Variants in S100Z observed in about 807,000 individuals in gnomAD.
S100Z encodes the protein protein S100-Z.
S100Z carries 11 observed loss-of-function variants against 8.5 expected under a neutral mutation model. That is an observed-to-expected ratio of 1.30 (90% CI 0.82 to 2.15). The LOEUF is 2.15. Among genes scored for constraint, S100Z ranks in the 30% most tolerant of loss-of-function variants. The pLI, the probability that S100Z is intolerant of heterozygous loss-of-function variation, is 0.00. For synonymous variants in S100Z, 34 were observed against 43.8 expected (o/e 0.78, Z 0.89); for missense variants, 126 against 117.9 (o/e 1.07, Z -0.32).
At chr5:76,891,299 A>G (rs931794157) in intron 4 of S100Z, among the ~76,000 whole-genome samples, 3 of 152,198 alleles carry the variant, frequency 2.0e-5, no homozygotes, top group African/African-American at 7.2e-5. Flanking sequence ...TAAAATATAG[A>G]TGAATAAACT....
chr5:76,862,146 TGTGTG>T (rs1751077085), intron 1 of S100Z, among the ~76,000 whole-genome samples: 1 of 151,766 alleles, frequency 6.6e-6, no homozygotes, highest in Non-Finnish European at 1.5e-5. Context: ...TGTGTGTGTG[TGTGTG>T]TGTGTAAACT....
chr5:76,908,855 T>C (rs1396957833), intron 4 of S100Z, among the ~76,000 whole-genome samples: 2 of 152,142 alleles, frequency 1.3e-5, no homozygotes, highest in African/African-American at 4.8e-5. Context: ...TGCTTAGGAC[T>C]CTAACAGGTT....
At chr5:76,867,199 A>G (rs1049877574) in intron 1 of S100Z, among the ~76,000 whole-genome samples, 1 of 152,234 alleles carries the variant, frequency 6.6e-6, no homozygotes, top group Non-Finnish European at 1.5e-5. Context: ...AGTCAAGATA[A>G]TAAACATACT....
downstream of S100Z, among the ~76,000 whole-genome samples, chr5:76,922,516 G>T (rs994816271): frequency 3.8e-5 from 5 of 131,108 alleles, no homozygotes; most frequent in African/African-American, 5.2e-5. Flanking sequence ...GAGTTTTTTT[G>T]TTGTTGTTTG....
At chr5:76,901,053 T>C (rs1744210119) in intron 4 of S100Z, among the ~76,000 whole-genome samples, 1 of 152,186 alleles carries the variant, frequency 6.6e-6, no homozygotes, top group Admixed American at 6.5e-5. Flanking sequence ...CTAGTTCTCG[T>C]CCCTTACTTT....
chr5:76,907,826 A>G (rs756400782), intron 4 of S100Z, among the ~76,000 whole-genome samples: 143 of 152,274 alleles, frequency 9.4e-4, no homozygotes, highest in Non-Finnish European at 1.9e-3. Context: ...AATTAATTTG[A>G]GATCTTATTG....
chr5:76,855,718 G>GGACTTTT (rs1456673054), intron 1 of S100Z, among the ~76,000 whole-genome samples: 8 of 152,186 alleles, frequency 5.3e-5, no homozygotes, highest in Non-Finnish European at 1.2e-4. Flanking sequence ...TTTGGACTTT[G>GGACTTTT]GACTTTTGAG....
At chr5:76,855,905 G>T (rs1342377390) in intron 1 of S100Z, among the ~76,000 whole-genome samples, 1 of 152,178 alleles carries the variant, frequency 6.6e-6, no homozygotes, top group Non-Finnish European at 1.5e-5. Context: ...CCTGGTGGAA[G>T]GTGATTGGAT....
At chr5:76,939,432 G>C in the S100Z span, among the ~76,000 whole-genome samples, 2 of 150,440 alleles carry the variant, frequency 1.3e-5, no homozygotes, top group African/African-American at 2.4e-5. Flanking sequence ...GATTACAGGC[G>C]TGAGCCACTG....
At chr5:76,942,746 A>C in the S100Z span, among the ~76,000 whole-genome samples, 1 of 152,178 alleles carries the variant, frequency 6.6e-6, no homozygotes, top group East Asian at 1.9e-4. Context: ...AGAAATAGCC[A>C]TCTGGGCCCA....
At chr5:76,860,273 A>G (rs1020481646) in intron 1 of S100Z, among the ~76,000 whole-genome samples, 2 of 152,206 alleles carry the variant, frequency 1.3e-5, no homozygotes, top group African/African-American at 4.8e-5. Flanking sequence ...CACTGTAGCC[A>G]GTATAGATGC....
intron 4 of S100Z, among the ~76,000 whole-genome samples, chr5:76,895,093 CT>C (rs1171878654): frequency 3.3e-5 from 5 of 152,230 alleles, no homozygotes; most frequent in Non-Finnish European, 4.4e-5. Flanking sequence ...GCCACTCCCC[CT>C]CTGCATTGTC....
At chr5:76,943,289 G>T in the S100Z span, among the ~76,000 whole-genome samples, 1 of 152,190 alleles carries the variant, frequency 6.6e-6, no homozygotes, top group African/African-American at 2.4e-5. Flanking sequence ...CAGCATAGTG[G>T]CTTCCTGGTA....
chr5:76,890,512 T>G (rs1743819188), intron 4 of S100Z, among the ~76,000 whole-genome samples: 1 of 152,178 alleles, frequency 6.6e-6, no homozygotes, highest in South Asian at 2.1e-4. Context: ...TCTGCTGATG[T>G]GGTGACGTGC....
At chr5:76,945,936 C>T in the S100Z span, among the ~76,000 whole-genome samples, 37 of 152,290 alleles carry the variant, frequency 2.4e-4, no homozygotes, top group East Asian at 5.8e-3. Flanking sequence ...TGTGGAGGGG[C>T]AGGCCACCCC....
intron 4 of S100Z, among the ~76,000 whole-genome samples, chr5:76,881,995 T>C (rs1296730607): frequency 6.6e-6 from 1 of 152,108 alleles, no homozygotes; most frequent in East Asian, 1.9e-4. Flanking sequence ...TCAGCCCTTA[T>C]AACAGCATGG....
intron 4 of S100Z, among the ~76,000 whole-genome samples, chr5:76,898,038 A>G (rs1359054675): frequency 6.6e-6 from 1 of 152,190 alleles, no homozygotes; most frequent in East Asian, 1.9e-4. Flanking sequence ...CAGTGGTGAC[A>G]CTGGGCATCC....
At chr5:76,856,079 G>A (rs1750874483) in intron 1 of S100Z, among the ~76,000 whole-genome samples, 1 of 152,122 alleles carries the variant, frequency 6.6e-6, no homozygotes, top group Non-Finnish European at 1.5e-5. Flanking sequence ...CACATAAGAT[G>A]TGTCTGTTTC....
At chr5:76,885,226 G>T (rs1410174237) in intron 4 of S100Z, among the ~76,000 whole-genome samples, 6 of 152,192 alleles carry the variant, frequency 3.9e-5, no homozygotes, top group Non-Finnish European at 5.9e-5. Context: ...AGGGTAGAAG[G>T]TTGCCCATAG....
Sources: gnomAD v4.1 joint callset for allele counts (sites outside exome capture counted in the v4.1 genomes callset) on GRCh38, gnomAD v4.1.1 for gene constraint, MANE v1.5 for transcripts, NCBI Gene and HGNC (gene_info 2026-07-23, HGNC 2026-07-21) for gene names.